AKAP19: variants seen among roughly 807,000 people sequenced by gnomAD.
AKAP19 encodes small A-kinase anchoring protein.
At chr2:190,023,501 G>C in the AKAP19 span, among the ~76,000 whole-genome samples, 1 of 151,988 alleles carries the variant, frequency 6.6e-6, no homozygotes, top group African/African-American at 2.4e-5. Flanking sequence ...ACTATAGAAT[G>C]ATCCTTGTGC....
At chr2:190,017,288 TA>T in the AKAP19 span, among the ~76,000 whole-genome samples, 1 of 152,160 alleles carries the variant, frequency 6.6e-6, no homozygotes, top group African/African-American at 2.4e-5. Context: ...TCATCAATCA[TA>T]AGTAATGGCA....
At chr2:189,945,460 A>C in the AKAP19 span, among the ~76,000 whole-genome samples, 2 of 152,190 alleles carry the variant, frequency 1.3e-5, no homozygotes, top group African/African-American at 2.4e-5. Context: ...GCTTAATTAC[A>C]ACTTCATAAG....
the AKAP19 span, among the ~76,000 whole-genome samples, chr2:190,041,541 C>A: frequency 1.3e-5 from 2 of 152,172 alleles, no homozygotes; most frequent in Non-Finnish European, 2.9e-5. Flanking sequence ...CTGGCTAGGA[C>A]TTTCAATACT....
the AKAP19 span, among the ~76,000 whole-genome samples, chr2:190,031,842 G>T: frequency 6.6e-6 from 1 of 151,984 alleles, no homozygotes; most frequent in Non-Finnish European, 1.5e-5. Context: ...ACAAATGCTG[G>T]GTCAGTTTTT....
the AKAP19 span, among the ~76,000 whole-genome samples, chr2:190,186,994 C>T: frequency 0.035 from 5,374 of 152,226 alleles, 195 homozygotes; most frequent in East Asian, 0.14. The surrounding 1 kb of genome is among the most constrained non-coding windows in gnomAD (Gnocchi z 5.5). Flanking sequence ...CACCTGCTAC[C>T]ATGCCCAGCT....
At chr2:190,066,686 T>C in the AKAP19 span, among the ~76,000 whole-genome samples, 1 of 152,126 alleles carries the variant, frequency 6.6e-6, no homozygotes, top group African/African-American at 2.4e-5. Flanking sequence ...ACAAAAAATA[T>C]TCTTAAGCTA....
chr2:189,884,669 A>G, the AKAP19 span, among the ~76,000 whole-genome samples: 2 of 152,234 alleles, frequency 1.3e-5, no homozygotes, highest in African/African-American at 4.8e-5. Context: ...TTGAAAGGAC[A>G]GTACTTCATG....
At chr2:189,905,724 G>T in the AKAP19 span, among the ~76,000 whole-genome samples, 1 of 151,912 alleles carries the variant, frequency 6.6e-6, no homozygotes, top group African/African-American at 2.4e-5. Flanking sequence ...TTTCCTATTT[G>T]GGCAAAAGAA....
At chr2:189,884,029 A>G in the AKAP19 span, among the ~76,000 whole-genome samples, 1 of 152,194 alleles carries the variant, frequency 6.6e-6, no homozygotes, top group African/African-American at 2.4e-5. Flanking sequence ...TAATAAGACA[A>G]AGTAATGACT....
the AKAP19 span, among the ~76,000 whole-genome samples, chr2:190,174,997 A>G: frequency 2.3e-5 from 3 of 131,552 alleles, no homozygotes; most frequent in South Asian, 2.7e-4. Context: ...TAAGATACAT[A>G]GATTACATGG....
At chr2:190,072,673 T>A in the AKAP19 span, among the ~76,000 whole-genome samples, 1 of 152,150 alleles carries the variant, frequency 6.6e-6, no homozygotes, top group Non-Finnish European at 1.5e-5. Flanking sequence ...GATCACAGTA[T>A]AATTAAACAA....
At chr2:190,013,035 T>C in the AKAP19 span, among the ~76,000 whole-genome samples, 2 of 152,188 alleles carry the variant, frequency 1.3e-5, no homozygotes, top group African/African-American at 4.8e-5. Flanking sequence ...GATTTTTGTA[T>C]TTATATTTAT....
At chr2:189,913,499 T>G in the AKAP19 span, among the ~76,000 whole-genome samples, 1 of 152,128 alleles carries the variant, frequency 6.6e-6, no homozygotes, top group Non-Finnish European at 1.5e-5. Flanking sequence ...ATATGTTACA[T>G]TTATTGTATT....
the AKAP19 span, among the ~76,000 whole-genome samples, chr2:189,962,646 G>T: frequency 6.6e-6 from 1 of 152,148 alleles, no homozygotes; most frequent in Non-Finnish European, 1.5e-5. Context: ...GCAGAGAAGA[G>T]AGATGTTGGG....
the AKAP19 span, among the ~76,000 whole-genome samples, chr2:190,038,925 C>CT: frequency 3.0e-3 from 399 of 133,282 alleles, 17 homozygotes; most frequent in African/African-American, 0.012. Context: ...TCTTCTTCTT[C>CT]TTCTTCTTCT....
the AKAP19 span, among the ~76,000 whole-genome samples, chr2:190,152,730 A>G: frequency 6.6e-6 from 1 of 152,196 alleles, no homozygotes; most frequent in Non-Finnish European, 1.5e-5. Context: ...CAACTGCTTT[A>G]TGATAATGAG....
chr2:190,009,886 GA>G, the AKAP19 span, among the ~76,000 whole-genome samples: 341 of 136,724 alleles, frequency 2.5e-3, no homozygotes, highest in African/African-American at 7.1e-3. Context: ...ATAACCAAGA[GA>G]AAAAAAAAAA....
At chr2:190,093,415 A>G in the AKAP19 span, among the ~76,000 whole-genome samples, 1 of 148,698 alleles carries the variant, frequency 6.7e-6, no homozygotes, top group Non-Finnish European at 1.5e-5. Flanking sequence ...CCTGGGCGAC[A>G]GAGCAAGACT....
the AKAP19 span, among the ~76,000 whole-genome samples, chr2:189,908,340 C>T: frequency 2.0e-5 from 3 of 151,776 alleles, no homozygotes; most frequent in East Asian, 1.9e-4. Context: ...ATTACAGGCA[C>T]GTGCCACCAC....
Sources: gnomAD v4.1 joint callset for allele counts (sites outside exome capture counted in the v4.1 genomes callset) on GRCh38, gnomAD v4.1.1 for gene constraint, Gnocchi (gnomAD v3.1) non-coding constraint, MANE v1.5 for transcripts, NCBI Gene and HGNC (gene_info 2026-07-23, HGNC 2026-07-21) for gene names.